CERS1: variants seen among roughly 807,000 people sequenced by gnomAD.
CERS1 encodes the protein ceramide synthase 1.
A neutral mutation model predicts 35.7 loss-of-function variants in CERS1; 16 were observed. That is an observed-to-expected ratio of 0.45 (90% CI 0.30 to 0.68). The LOEUF (loss-of-function observed/expected upper bound fraction) is 0.68, where lower values mean the gene tolerates loss of function less well. Among genes scored for constraint, CERS1 ranks in the 30% least tolerant of loss-of-function variants. The pLI, the probability that CERS1 is intolerant of heterozygous loss-of-function variation, is 0.08. For missense variants in CERS1, 454 were observed against 453.9 expected (o/e 1.00, Z 0.00); for synonymous variants, 243 against 201.6 (o/e 1.21, Z -1.74).
At chr19:18,886,503 T>A (rs2056364879) in intron 2 of CERS1, among the ~76,000 whole-genome samples, 1 of 151,992 alleles carries the variant, frequency 6.6e-6, no homozygotes, top group South Asian at 2.1e-4. Context: ...TGGCAGGAAC[T>A]AAGATGTTGC....
intron 2 of CERS1, among the ~76,000 whole-genome samples, chr19:18,887,764 T>G (rs1173187749): frequency 1.3e-5 from 2 of 150,242 alleles, no homozygotes; most frequent in African/African-American, 4.9e-5. Flanking sequence ...AAAAAAAAAT[T>G]GTGTTAAGAT....
chr19:18,892,816 C>T (rs892230136), intron 2 of CERS1, among the ~76,000 whole-genome samples: 1 of 152,088 alleles, frequency 6.6e-6, no homozygotes, highest in Non-Finnish European at 1.5e-5. Flanking sequence ...CCAGATACCC[C>T]CTTTCCTGTC....
intron 2 of CERS1, among the ~76,000 whole-genome samples, chr19:18,885,516 T>TCG (rs1555705566): frequency 0.024 from 669 of 27,652 alleles, 5 homozygotes; most frequent in Admixed American, 0.052. Flanking sequence ...TTCTCGTTTT[T>TCG]TTTTTTTTTT....
At chr19:18,892,405 G>A (rs886258408) in intron 2 of CERS1, among the ~76,000 whole-genome samples, 1 of 151,856 alleles carries the variant, frequency 6.6e-6, no homozygotes, top group Non-Finnish European at 1.5e-5. Context: ...ATGAGATCAG[G>A]AGATTGAGAC....
intron 4 of CERS1, 43 bp from the exon 5 acceptor site, chr19:18,879,431 G>A (rs377045398): frequency 1.6e-5 from 25 of 1,546,020 alleles, no homozygotes; most frequent in Non-Finnish European, 2.2e-5. Flanking sequence ...GAGGGGGACG[G>A]TGCCCTACCC....
At chr19:18,892,492 T>G (rs1175869195) in intron 2 of CERS1, among the ~76,000 whole-genome samples, 1 of 151,974 alleles carries the variant, frequency 6.6e-6, no homozygotes, top group African/African-American at 2.4e-5. Flanking sequence ...CGGGCGCCTG[T>G]GGTCCCAGCT....
rs750210287 is a variant in CERS1, at chr19:18,868,912, G to A, written c.*1073C>T. On this transcript the variant is annotated 3_prime_UTR_variant, in exon 8 of 8. Coordinates refer to ENST00000623882, the MANE Select transcript of CERS1 (RefSeq NM_021267.5). Reference sequence around the variant, plus strand: ...GGAAGCTCACGTACAGCCGCCGCGCGCGACAAGCGCCCCCGGGGCCGCCGC... The same window carrying A: ...GGAAGCTCACGTACAGCCGCCGCGCACGACAAGCGCCCCCGGGGCCGCCGC... 23 of 1,371,656 alleles carry A rather than the reference G, an allele frequency of 1.7e-5. No homozygotes were observed. The South Asian group carries it at 3.0e-4, about 18-fold the overall frequency. The allele number at this position is 1,371,656 out of a possible 1,614,324, so 85.0% of individuals were successfully genotyped here.
chr19:18,877,019 C>A (rs1039212171), intron 6 of CERS1, among the ~76,000 whole-genome samples: 43 of 152,192 alleles, frequency 2.8e-4, no homozygotes, highest in African/African-American at 8.4e-4. Flanking sequence ...TCCTGACGGG[C>A]TCTTTTGGAA....
chr19:18,879,206 A>C, intron 5 of CERS1, 35 bp downstream of exon 5: 2 of 1,612,144 alleles, frequency 1.2e-6, no homozygotes, highest in Non-Finnish European at 1.7e-6. Flanking sequence ...CGAGGACGGG[A>C]CCGCCACTGT....
chr19:18,895,709 C>A lies in CERS1; in HGVS notation c.249+115G>T, dbSNP rs931498397. The A allele has an allele frequency of 4.1e-6, 2 of 485,238 alleles. No individual in the cohort carries two copies. Among genetic ancestry groups the A allele is most frequent in the Non-Finnish European group, 5.9e-6 (2 of 340,180 alleles). 30.1% of individuals were successfully genotyped at this position (485,238 alleles called of 1,614,324 possible). On this transcript the variant is annotated intron_variant, in intron 1 of 7. Transcript: ENST00000623882. The surrounding 1 kb of genome is among the most constrained non-coding windows in gnomAD (Gnocchi z 6.4). ...GGCCCCCACCCACGTTCCGGCGACC[C>A]CTTCATCCGCAGCAGCCAGCGCTGG... is the stretch of plus-strand genomic sequence containing the variant.
chr19:18,871,464 C>T (rs1292889105), intron 6 of CERS1, among the ~76,000 whole-genome samples: 2 of 152,098 alleles, frequency 1.3e-5, no homozygotes, highest in African/African-American at 4.8e-5. Flanking sequence ...TCAGGTGATC[C>T]GCCCACCTTG....
In CERS1 at chr19:18,868,725, C is replaced by T; in HGVS notation, c.*1260G>A. The T allele has an allele frequency of 6.5e-7, 1 of 1,539,264 alleles. No individual in the cohort carries two copies. The highest frequency in any genetic ancestry group is 2.5e-5 in the East Asian group (1 of 40,160). ...GGCACGCAGCAGGGCAGGTCGGCGG[C>T]TCCCGGGGCGGCCGCGTGCATGAGC... On this transcript the variant is annotated 3_prime_UTR_variant, in exon 8 of 8. Coordinates refer to ENST00000623882, the MANE Select transcript of CERS1 (RefSeq NM_021267.5).
chr19:18,874,252 A>G (rs2056023542), intron 6 of CERS1, among the ~76,000 whole-genome samples: 1 of 152,200 alleles, frequency 6.6e-6, no homozygotes, highest in Admixed American at 6.5e-5. Flanking sequence ...AGGAACCCTC[A>G]GGAGAGAAGA....
intron 6 of CERS1, among the ~76,000 whole-genome samples, chr19:18,872,595 A>G (rs1035567033): frequency 3.3e-5 from 5 of 150,320 alleles, no homozygotes; most frequent in Admixed American, 1.3e-4. Context: ...GGCTCACTGC[A>G]ACCTCTGCAT....
chr19:18,885,277 T>C (rs1169513111), intron 2 of CERS1, among the ~76,000 whole-genome samples: 5 of 152,134 alleles, frequency 3.3e-5, no homozygotes, highest in Non-Finnish European at 7.3e-5. Flanking sequence ...CATAGTTCAC[T>C]GCAGCCTCGA....
In CERS1 at chr19:18,870,222, G is replaced by A. The variant is rs775090073; in HGVS notation, c.*355C>T. On this transcript the variant is annotated 3_prime_UTR_variant, in exon 7 of 8. Transcript: ENST00000623882. The surrounding 1 kb of genome is among the most constrained non-coding windows in gnomAD (Gnocchi z 5.1). ...GGCGGCTGGGCCTGGGGGCACGGGG[G>A]CGCGGGTCAGGGGCAGCGAGGGCAG... The A allele has an allele frequency of 3.9e-6, 6 of 1,555,114 alleles. No homozygotes were observed. The highest frequency in any genetic ancestry group is 1.9e-5 in the Admixed American group (1 of 51,648).
chr19:18,879,250 G>A lies in CERS1; in HGVS notation c.891C>T (p.Tyr297=), dbSNP rs1260941678. ...GCCGGGGCCGACTCACCAGGAACCAGTAGAGGTTCATAAGGGTGAGCAGCA... is the reference window on the plus strand; with the variant it reads ...GCCGGGGCCGACTCACCAGGAACCAATAGAGGTTCATAAGGGTGAGCAGCA... ...LLLLLTLMNL[Y]WFLYIVAFAA... Residue 297 remains tyrosine, a synonymous_variant, in exon 5 of 8, where the codon TAC becomes TAT. Transcript: ENST00000623882. The A allele has an allele frequency of 1.2e-6, 2 of 1,613,708 alleles. No homozygotes were observed. The highest frequency in any genetic ancestry group is 1.7e-6 in the Non-Finnish European group (2 of 1,179,794).
At chr19:18,883,985 T>A in intron 3 of CERS1, 102 bp downstream of exon 3, 5 of 1,285,682 alleles carry the variant, frequency 3.9e-6, no homozygotes, top group Non-Finnish European at 5.3e-6. Flanking sequence ...TCCGACCTGA[T>A]GTGATCCCCT....
chr19:18,884,273 G>T lies in CERS1; in HGVS notation c.410-6C>A. The T allele has an allele frequency of 6.2e-7, 1 of 1,608,504 alleles. No homozygotes were observed. The highest frequency in any genetic ancestry group is 1.1e-5 in the South Asian group (1 of 90,498). Reference sequence around the variant, plus strand: ...TGCCATGCCCGGCGTCCAGTCTGGGGAGAGCCAAATCTCACAGTCAGGGCC... The same window carrying T: ...TGCCATGCCCGGCGTCCAGTCTGGGTAGAGCCAAATCTCACAGTCAGGGCC... On this transcript the variant is annotated splice_polypyrimidine_tract_variant and splice_region_variant and intron_variant, in intron 2 of 7. Transcript: ENST00000623882.
Sources: allele counts gnomAD v4.1 joint callset (sites outside exome capture counted in the v4.1 genomes callset), GRCh38; gene constraint gnomAD v4.1.1; non-coding constraint Gnocchi (gnomAD v3.1); transcripts MANE v1.5; gene names NCBI Gene and HGNC (gene_info 2026-07-23, HGNC 2026-07-21).